The following ANKRD13A variants were observed in gnomAD, a reference collection of about 807,000 sequenced individuals.
ANKRD13A encodes the protein ankyrin repeat domain-containing protein 13A.
A neutral mutation model predicts 81.3 loss-of-function variants in ANKRD13A; 48 were observed. The ratio of observed to expected loss-of-function variants is 0.59; its 90% CI spans 0.47 to 0.75. The LOEUF (loss-of-function observed/expected upper bound fraction) is 0.75, where lower values mean the gene tolerates loss of function less well. ANKRD13A is among the 30% of genes least tolerant of loss of function. ANKRD13A has a pLI of 0.00. For synonymous variants in ANKRD13A, 230 were observed against 270.1 expected (o/e 0.85, Z 1.45); for missense variants, 612 against 734.0 (o/e 0.83, Z 1.92).
intron 11 of ANKRD13A, 149 bp downstream of exon 11, chr12:110,029,784 G>T: frequency 1.2e-6 from 1 of 854,888 alleles, no homozygotes; most frequent in Non-Finnish European, 1.8e-6. Flanking sequence ...GTTCTCCTGT[G>T]GTTTGATTTA....
chr12:110,028,654 T>C lies in ANKRD13A; in HGVS notation c.1076+12T>C. ...ATTAGAACACAGAAGTAAGAGAGGT[T>C]CAGCTGCCATTTTCAACCTATGTAT... On this transcript the variant is annotated intron_variant, in intron 10 of 14. Coordinates refer to ENST00000261739, the MANE Select transcript of ANKRD13A (RefSeq NM_033121.2). The C allele has an allele frequency of 1.2e-6, 2 of 1,614,154 alleles. No homozygotes were observed. The highest frequency in any genetic ancestry group is 1.7e-6 in the Non-Finnish European group (2 of 1,179,994).
At chr12:110,011,326 T>A (rs1453073123) in intron 1 of ANKRD13A, among the ~76,000 whole-genome samples, 4 of 152,162 alleles carry the variant, frequency 2.6e-5, no homozygotes, top group Admixed American at 2.6e-4. Flanking sequence ...GGTGTGCATG[T>A]CTAGCATGGG....
At chr12:110,032,733 A>C (rs540200431) in intron 12 of ANKRD13A, 1 of 152,374 alleles carries the variant, frequency 6.6e-6, no homozygotes, top group South Asian at 2.1e-4. Flanking sequence ...ATTGTGCTCT[A>C]TTAATACAAC....
Position 109,999,706 on chromosome 12 carries a change from C to T in ANKRD13A, c.18C>T (p.Asp6=). The T allele has an allele frequency of 6.5e-7, 1 of 1,536,188 alleles. No homozygotes were observed. The highest frequency in any genetic ancestry group is 1.4e-5 in the African/African-American group (1 of 71,890). The change falls in exon 1 of 15, where the codon GAC becomes GAT. Residue 6 remains aspartate, a synonymous_variant. Coordinates refer to ENST00000261739, the MANE Select transcript of ANKRD13A (RefSeq NM_033121.2). This position sits in a 1 kb window ranked among gnomAD's most constrained non-coding sequence, Gnocchi z 4.3. MSSAC[D]AGDHYPLHLL... is the part of the protein sequence containing the mutation. Reference sequence around the variant, plus strand: ...TCCTCGCCATGTCCTCGGCCTGCGACGCGGGCGACCACTACCCCCTGCACC... The same window carrying T: ...TCCTCGCCATGTCCTCGGCCTGCGATGCGGGCGACCACTACCCCCTGCACC...
At chr12:110,029,350 T>C in intron 10 of ANKRD13A, 128 bp from the exon 11 acceptor site, 1 of 1,029,090 alleles carries the variant, frequency 9.7e-7, no homozygotes, top group Non-Finnish European at 1.4e-6. Context: ...CTTTAATAGG[T>C]CTGAATTAAG....
chr12:110,036,387 G>A lies in ANKRD13A; in HGVS notation c.1577+59G>A, dbSNP rs1892050469. ...GGTGAACACAGGCCTGGACACAGGCGAGCAGACGCGTGGCACTGTGCATTT... is the reference window on the plus strand; with the variant it reads ...GGTGAACACAGGCCTGGACACAGGCAAGCAGACGCGTGGCACTGTGCATTT... On this transcript the variant is annotated intron_variant, in intron 14 of 14. Coordinates refer to ENST00000261739, the MANE Select transcript of ANKRD13A (RefSeq NM_033121.2). This position sits in a 1 kb window ranked among gnomAD's most constrained non-coding sequence, Gnocchi z 4.6. 14 of 1,518,682 alleles carry A rather than the reference G, an allele frequency of 9.2e-6. No homozygotes were observed. The highest frequency in any genetic ancestry group is 3.4e-5 in the South Asian group (3 of 89,030). 94.1% of individuals were successfully genotyped at this position (1,518,682 alleles called of 1,614,324 possible). A position where few individuals can be genotyped will look rare whatever the true frequency, so the allele number is the denominator to read the frequency against.
At chr12:110,023,952 T>G (rs1221219811) in intron 6 of ANKRD13A, 94 bp from the exon 7 acceptor site, 1 of 1,299,062 alleles carries the variant, frequency 7.7e-7, no homozygotes, top group Non-Finnish European at 1.1e-6. Flanking sequence ...TTCACTAACT[T>G]AAGCTGGGGG....
Position 109,999,733 on chromosome 12 carries a change from C to G in ANKRD13A, c.45C>G (p.Leu15=), listed in dbSNP as rs1415127865. 1 of 1,536,880 alleles carries G rather than the reference C, an allele frequency of 6.5e-7. No individual in the cohort carries two copies. Among genetic ancestry groups the G allele is most frequent in the East Asian group, 2.6e-5 (1 of 39,108 alleles). Residue 15 remains leucine, a synonymous_variant, in exon 1 of 15, where the codon CTC becomes CTG. Coordinates refer to ENST00000261739, the MANE Select transcript of ANKRD13A (RefSeq NM_033121.2). The surrounding 1 kb of genome is among the most constrained non-coding windows in gnomAD (Gnocchi z 4.3). Reference sequence around the variant, plus strand: ...CGGGCGACCACTACCCCCTGCACCTCCTAGTCTGGAAAAACGACTACCGGC... The same window carrying G: ...CGGGCGACCACTACCCCCTGCACCTGCTAGTCTGGAAAAACGACTACCGGC... ...CDAGDHYPLH[L]LVWKNDYRQL...
rs756796674 is a variant in ANKRD13A at position 110,030,713 on chromosome 12, G to T, written c.1303G>T (p.Glu435Ter). ...FGNVNGCSTA[E>*]ESVSQNVEGT... ...AAATGTTAATGGCTGTAGCACTGCCGAAGAATCTGTATCTCAAAATGTGGA... is the reference window on the plus strand; with the variant it reads ...AAATGTTAATGGCTGTAGCACTGCCTAAGAATCTGTATCTCAAAATGTGGA... The change falls in exon 12 of 15, where the codon GAA (glutamate) becomes TAA (stop). Residue 435 changes from glutamate to a stop codon, truncating the protein, a stop_gained. Transcript: ENST00000261739. LOFTEE classifies it high-confidence loss of function. 1 of 1,609,222 alleles carries T rather than the reference G, an allele frequency of 6.2e-7. No individual in the cohort carries two copies. Among genetic ancestry groups the T allele is most frequent in the Non-Finnish European group, 8.5e-7 (1 of 1,177,420 alleles).
At chr12:110,027,199 T>A (rs537647716) in intron 8 of ANKRD13A, 38 of 155,212 alleles carry the variant, frequency 2.4e-4, no homozygotes, top group Non-Finnish European at 3.6e-4. Flanking sequence ...AAATTACTTC[T>A]GCTCTGTGCC....
chr12:110,013,244 C>G lies in ANKRD13A; in HGVS notation c.349C>G (p.Leu117Val). The change falls in exon 3 of 15, where the codon CTC (leucine) becomes GTC (valine). Residue 117 changes from leucine (L) to valine (V), a missense_variant. Transcript: ENST00000261739. ...AGTTCCTGAGCTGCTCCAAAAAATTCTCGAGGTATCCATGAAAATGTGGCC... is the reference window on the plus strand; with the variant it reads ...AGTTCCTGAGCTGCTCCAAAAAATTGTCGAGGTATCCATGAAAATGTGGCC... The part of the protein sequence containing the change: ...EGVPELLQKI[L>V]EAPDFYVQMK... 6.2e-7 allele frequency: 1 copy of G among 1,613,892 alleles called. No individual in the cohort carries two copies. Among genetic ancestry groups the G allele is most frequent in the Non-Finnish European group, 8.5e-7 (1 of 1,179,962 alleles).
chr12:110,007,110 AG>A (rs1478567083), intron 1 of ANKRD13A, among the ~76,000 whole-genome samples: 1 of 152,170 alleles, frequency 6.6e-6, no homozygotes, highest in East Asian at 1.9e-4. Context: ...AGCTTTGTGT[AG>A]TACGTTTTAA....
intron 6 of ANKRD13A, chr12:110,021,936 T>C (rs1961275116): frequency 6.6e-6 from 1 of 151,888 alleles, no homozygotes; most frequent in South Asian, 2.1e-4. Flanking sequence ...TTTCTCCTGA[T>C]TGTGTAGCAA....
At chr12:110,033,617 A>G (rs150759668) in intron 12 of ANKRD13A, among the ~76,000 whole-genome samples, 180 bp from the exon 13 acceptor site, 7 of 152,300 alleles carry the variant, frequency 4.6e-5, no homozygotes, top group Admixed American at 4.6e-4. Flanking sequence ...AAGGAAAAAG[A>G]AAAAAGCTGT....
chr12:110,034,247 T>C (rs542913365), intron 13 of ANKRD13A, among the ~76,000 whole-genome samples: 1 of 152,298 alleles, frequency 6.6e-6, no homozygotes, highest in East Asian at 1.9e-4. Flanking sequence ...GAGATGTGCT[T>C]CATCATTTTC....
At chr12:110,013,568 G>A (rs1416256286) in intron 3 of ANKRD13A, among the ~76,000 whole-genome samples, 1 of 152,010 alleles carries the variant, frequency 6.6e-6, no homozygotes, top group Non-Finnish European at 1.5e-5. Context: ...AAGCCCAGGA[G>A]TTTGAGACCA....
chr12:110,013,430 C>T (rs1296889723), intron 3 of ANKRD13A, among the ~76,000 whole-genome samples, 181 bp downstream of exon 3: 1 of 152,192 alleles, frequency 6.6e-6, no homozygotes, highest in African/African-American at 2.4e-5. Flanking sequence ...AGTTCTTTTA[C>T]AAATTACACT....
chr12:110,017,901 C>T (rs1566053608), intron 4 of ANKRD13A, among the ~76,000 whole-genome samples: 1 of 151,178 alleles, frequency 6.6e-6, no homozygotes, highest in Non-Finnish European at 1.5e-5. Context: ...CACTGCACTC[C>T]AGCCTGGGCG....
In ANKRD13A at chr12:110,037,383, C is replaced by A. The variant is rs1892126916; in HGVS notation, c.1602C>A (p.Thr534=). The change falls in exon 15 of 15, where the codon ACC becomes ACA. Residue 534 remains threonine, a synonymous_variant. Coordinates refer to ENST00000261739, the MANE Select transcript of ANKRD13A (RefSeq NM_033121.2). Reference sequence around the variant, plus strand: ...GGGCCATCCAGGAGAGCCTCCTCACCAGCACAGAAGGCCTGTGCCCCAGCG... The same window carrying A: ...GGGCCATCCAGGAGAGCCTCCTCACAAGCACAGAAGGCCTGTGCCCCAGCG... ...YERAIQESLL[T]STEGLCPSAL... is the part of the protein sequence containing the mutation. The A allele has an allele frequency of 6.2e-7, 1 of 1,614,146 alleles. No individual in the cohort carries two copies.
Sources: gnomAD v4.1 joint callset for allele counts (sites outside exome capture counted in the v4.1 genomes callset) on GRCh38, gnomAD v4.1.1 for gene constraint, Gnocchi (gnomAD v3.1) non-coding constraint, MANE v1.5 for transcripts, NCBI Gene and HGNC (gene_info 2026-07-23, HGNC 2026-07-21) for gene names.